The following TMF1 variants were observed in gnomAD, a reference collection of about 807,000 sequenced individuals.
TMF1 encodes the protein TATA element modulatory factor.
Under a neutral mutation model 126.5 loss-of-function variants are expected in TMF1, and 71 were observed. The ratio of observed to expected loss-of-function variants is 0.56; its 90% CI spans 0.46 to 0.68. TMF1 has a LOEUF of 0.68. Ranked by LOEUF, TMF1 falls within the 30% of genes least tolerant of loss-of-function variation. The pLI, the probability that TMF1 is intolerant of heterozygous loss-of-function variation, is 0.00. For synonymous variants in TMF1, 461 were observed against 430.5 expected, an observed-to-expected ratio of 1.07 and a Z score of -0.88; for missense variants, 1,259 against 1,253.2, an observed-to-expected ratio of 1.00 and a Z score of -0.07.
intron 11 of TMF1, among the ~76,000 whole-genome samples, chr3:69,029,033 A>C (rs2091784596): frequency 1.4e-5 from 2 of 147,316 alleles, no homozygotes; most frequent in African/African-American, 5.0e-5. Flanking sequence ...ATATCCTATT[A>C]CTTTATTTAT....
At chr3:69,042,728 G>A (rs2107466651) in intron 5 of TMF1, 79 bp downstream of exon 5, 1 of 1,152,806 alleles carries the variant, frequency 8.7e-7, no homozygotes, top group South Asian at 1.3e-5. Flanking sequence ...TTTTAATTAG[G>A]AAGCATCAGC....
chr3:69,050,411 A>T (rs983435474), intron 1 of TMF1, among the ~76,000 whole-genome samples: 1 of 152,186 alleles, frequency 6.6e-6, no homozygotes, highest in African/African-American at 2.4e-5. Flanking sequence ...GAGAAAATCA[A>T]AATTAAATAT....
chr3:69,032,608 G>A (rs2091808926), intron 10 of TMF1, among the ~76,000 whole-genome samples: 1 of 123,290 alleles, frequency 8.1e-6, no homozygotes, highest in Admixed American at 1.1e-4. Flanking sequence ...AGCAGAATAT[G>A]GAATCTTTTT....
chr3:69,043,993 G>A, intron 3 of TMF1, 117 bp from the exon 4 acceptor site: 3 of 781,154 alleles, frequency 3.8e-6, no homozygotes, highest in South Asian at 3.6e-5. Flanking sequence ...TATTAAAATA[G>A]AACAGTTTTA....
intron 8 of TMF1, 82 bp from the exon 9 acceptor site, chr3:69,035,197 T>C: frequency 8.8e-7 from 1 of 1,139,798 alleles, no homozygotes; most frequent in Non-Finnish European, 1.3e-6. Flanking sequence ...TTTTGTGTTG[T>C]GTCAACATTG....
At chr3:69,049,576 C>T (rs1183560569) in intron 1 of TMF1, among the ~76,000 whole-genome samples, 1 of 152,150 alleles carries the variant, frequency 6.6e-6, no homozygotes, top group Non-Finnish European at 1.5e-5. Flanking sequence ...TAAATTATGT[C>T]AGAAATTACA....
chr3:69,047,266 AATT>A (rs2091900357), intron 2 of TMF1, 89 bp downstream of exon 2: 2 of 1,405,072 alleles, frequency 1.4e-6, no homozygotes, highest in South Asian at 1.5e-5. Context: ...AATCTGTATA[AATT>A]ATTATGCATC....
intron 8 of TMF1, among the ~76,000 whole-genome samples, chr3:69,036,298 GAA>G (rs1263108418): frequency 4.6e-5 from 7 of 151,692 alleles, no homozygotes; most frequent in African/African-American, 1.7e-4. Flanking sequence ...CTATCAATAA[GAA>G]AGAGCTGAAA....
intron 6 of TMF1, 133 bp from the exon 7 acceptor site, chr3:69,039,142 G>C: frequency 1.1e-6 from 1 of 880,824 alleles, no homozygotes; most frequent in Non-Finnish European, 1.6e-6. Flanking sequence ...TATTGCCCAG[G>C]GTGGAATGTT....
intron 5 of TMF1, 82 bp from the exon 6 acceptor site, chr3:69,039,775 TAAAAG>T: frequency 6.9e-7 from 1 of 1,443,756 alleles, no homozygotes; most frequent in Non-Finnish European, 9.3e-7. Context: ...AATAGTAACA[TAAAAG>T]AACAGAATTT....
intron 5 of TMF1, chr3:69,042,325 A>G: frequency 2.2e-6 from 1 of 455,842 alleles, no homozygotes; most frequent in Non-Finnish European, 4.4e-6. Context: ...GTCATAAGCC[A>G]CCACACTCAG....
At chr3:69,023,997 G>C in intron 16 of TMF1, 58 bp downstream of exon 16, 1 of 1,472,550 alleles carries the variant, frequency 6.8e-7, no homozygotes, top group Non-Finnish European at 9.1e-7. Context: ...AAAAACATGA[G>C]ATTTAAAGTA....
intron 5 of TMF1, chr3:69,040,276 G>A (rs1022224249): frequency 4.6e-5 from 7 of 152,558 alleles, no homozygotes; most frequent in African/African-American, 1.7e-4. Context: ...TCCTGGGGCA[G>A]AACAAATGAT....
At position 69,041,915 on chromosome 3, in the gene TMF1, A is replaced by T. The variant is rs562423879; in HGVS notation, c.1684+892T>A. 1.1e-4 allele frequency among the ~76,000 whole-genome samples: 17 copies of T among 152,294 alleles called. No homozygotes were observed. In the South Asian group the frequency reaches 3.5e-3, roughly 32 times the overall value. ...AGAAATAAAAAGAGAGATTCACTTGACCACGTTTTCCAAAGGCTCCTCTCT... is the reference window on the plus strand; with the variant it reads ...AGAAATAAAAAGAGAGATTCACTTGTCCACGTTTTCCAAAGGCTCCTCTCT... On this transcript the variant is annotated intron_variant, in intron 5 of 16. Coordinates refer to ENST00000398559, the MANE Select transcript of TMF1 (RefSeq NM_007114.3).
At chr3:69,037,524 C>A (rs1188791565) in intron 8 of TMF1, among the ~76,000 whole-genome samples, 2 of 152,104 alleles carry the variant, frequency 1.3e-5, no homozygotes, top group East Asian at 3.8e-4. Flanking sequence ...CACCTGTAAT[C>A]CCAGCTACTC....
intron 5 of TMF1, 178 bp downstream of exon 5, chr3:69,042,629 C>G: frequency 2.9e-6 from 2 of 698,334 alleles, no homozygotes; most frequent in Non-Finnish European, 5.2e-6. Flanking sequence ...AAACACGTAT[C>G]TCTGTCTCAA....
At chr3:69,042,021 TG>T (rs2091867967) in intron 5 of TMF1, among the ~76,000 whole-genome samples, 1 of 152,110 alleles carries the variant, frequency 6.6e-6, no homozygotes. Context: ...ATTTCTGTAA[TG>T]CTATTAATTT....
In TMF1 at chr3:69,023,000, A is replaced by AC; in HGVS notation, c.*176dup. The AC allele has an allele frequency of 2.1e-6, 1 of 475,060 alleles. No homozygotes were observed. The highest frequency in any genetic ancestry group is 3.6e-6 in the Non-Finnish European group (1 of 277,754). The allele number at this position is 475,060 out of a possible 1,614,324, so 29.4% of individuals were successfully genotyped here. A position where few individuals can be genotyped will look rare whatever the true frequency, so the allele number is the denominator to read the frequency against. ...TTCAAAAATAAAGTTCAAATATTGC[A>AC]CAAAATAATTTAACTGTAAATATTA... On this transcript the variant is annotated 3_prime_UTR_variant, in exon 17 of 17. Coordinates refer to ENST00000398559, the MANE Select transcript of TMF1 (RefSeq NM_007114.3).
At chr3:69,036,045 A>C (rs1284176600) in intron 8 of TMF1, among the ~76,000 whole-genome samples, 2 of 152,062 alleles carry the variant, frequency 1.3e-5, no homozygotes, top group Non-Finnish European at 2.9e-5. Flanking sequence ...GGACCATGGC[A>C]TGACTTATAA....
Sources: gnomAD v4.1 joint callset for allele counts (sites outside exome capture counted in the v4.1 genomes callset) on GRCh38, gnomAD v4.1.1 for gene constraint, MANE v1.5 for transcripts, NCBI Gene and HGNC (gene_info 2026-07-23, HGNC 2026-07-21) for gene names.